Variants in OLA1 observed in about 807,000 individuals in gnomAD.
OLA1 encodes Obg like ATPase 1.
In OLA1, 14 loss-of-function variants were observed where a neutral mutation model predicts 48.4. That is an observed-to-expected ratio of 0.29 (90% CI 0.19 to 0.45). OLA1 has a LOEUF of 0.45. OLA1 is among the 20% of genes least tolerant of loss of function. The pLI is 1.00. For synonymous variants in OLA1, 127 were observed against 150.4 expected (o/e 0.84, Z 1.14); for missense variants, 325 against 467.1 (o/e 0.70, Z 2.80).
chr2:174,225,242 C>G (rs1409922402), intron 3 of OLA1, among the ~76,000 whole-genome samples: 1 of 152,174 alleles, frequency 6.6e-6, no homozygotes, highest in Non-Finnish European at 1.5e-5. Context: ...CCCTTTTCAT[C>G]TTCTGGCCAT....
intron 5 of OLA1, among the ~76,000 whole-genome samples, chr2:174,138,065 G>A (rs1686353264): frequency 6.6e-6 from 1 of 152,150 alleles, no homozygotes; most frequent in African/African-American, 2.4e-5. Flanking sequence ...CTTCTCATTC[G>A]TGTGTTCTCT....
chr2:174,081,735 T>A (rs1386134439), intron 8 of OLA1, among the ~76,000 whole-genome samples, 189 bp downstream of exon 8: 3 of 152,120 alleles, frequency 2.0e-5, no homozygotes, highest in African/African-American at 7.2e-5. Flanking sequence ...TGTACGGAGA[T>A]GACAGATGAC....
intron 2 of OLA1, among the ~76,000 whole-genome samples, chr2:174,229,957 A>G (rs1214434142): frequency 2.0e-5 from 3 of 152,222 alleles, no homozygotes; most frequent in Admixed American, 6.5e-5. Context: ...AATCATTAGT[A>G]TGTAAGGATT....
intron 7 of OLA1, among the ~76,000 whole-genome samples, chr2:174,107,108 C>CAA (rs1685530138): frequency 6.6e-6 from 1 of 152,084 alleles, no homozygotes; most frequent in African/African-American, 2.4e-5. Context: ...CTCTGATAAG[C>CAA]TCCTTGTTGG....
rs1686336541 is a variant in OLA1, at chr2:174,137,456, T to TA, written c.549+4368dup. On this transcript the variant is annotated intron_variant, in intron 5 of 10. Coordinates refer to ENST00000284719, the MANE Select transcript of OLA1 (RefSeq NM_013341.5). Reference sequence around the variant, plus strand: ...TTCAACTTAAAGTCACCAACCGCATTAGCCCTTAACAAGGGAGTCAGCATA... The same window carrying TA: ...TTCAACTTAAAGTCACCAACCGCATTAAGCCCTTAACAAGGGAGTCAGCATA... Among the ~76,000 whole-genome samples the TA allele has an allele frequency of 2.6e-5, 4 of 152,350 alleles. No homozygotes were observed. In the South Asian group the frequency reaches 8.3e-4, roughly 32 times the overall value.
chr2:174,229,761 C>T lies in OLA1; in HGVS notation c.102-310G>A, dbSNP rs187312322. On this transcript the variant is annotated intron_variant, in intron 2 of 10. Coordinates refer to ENST00000284719, the MANE Select transcript of OLA1 (RefSeq NM_013341.5). ...TCATACTACAAAATCTATTTTTTTT[C>T]CATAATATACCTGATCGTACCAGCA... is the stretch of plus-strand genomic sequence containing the variant. 4.2e-3 allele frequency among the ~76,000 whole-genome samples: 645 copies of T among 152,060 alleles called. 13 individuals carry two copies. The highest frequency in any genetic ancestry group is 9.4e-4 in the Non-Finnish European group (64 of 67,968).
At chr2:174,119,824 T>TTG (rs1319211208) in intron 7 of OLA1, among the ~76,000 whole-genome samples, 2 of 152,136 alleles carry the variant, frequency 1.3e-5, no homozygotes, top group Non-Finnish European at 2.9e-5. Context: ...TTCCAAGTAT[T>TTG]TGTCTACCTA....
intron 5 of OLA1, among the ~76,000 whole-genome samples, chr2:174,136,431 T>C (rs1250434650): frequency 6.6e-6 from 1 of 152,238 alleles, no homozygotes; most frequent in Admixed American, 6.5e-5. Flanking sequence ...ACCACTTTCT[T>C]TGCTCACCCA....
intron 4 of OLA1, among the ~76,000 whole-genome samples, chr2:174,203,927 T>C (rs1190731189): frequency 6.6e-6 from 1 of 151,494 alleles, no homozygotes; most frequent in Non-Finnish European, 1.5e-5. Flanking sequence ...CCCGAGTAAC[T>C]GGGATTACAG....
intron 4 of OLA1, among the ~76,000 whole-genome samples, chr2:174,208,018 A>C (rs1176919387): frequency 1.3e-5 from 2 of 152,222 alleles, no homozygotes; most frequent in Admixed American, 6.5e-5. Flanking sequence ...TCTATGTTAC[A>C]AAATTTGCAC....
intron 4 of OLA1, among the ~76,000 whole-genome samples, chr2:174,221,219 C>T (rs977993473): frequency 6.6e-6 from 1 of 152,096 alleles, no homozygotes; most frequent in Non-Finnish European, 1.5e-5. Flanking sequence ...GTATCTTTAG[C>T]CTGACTTAAA....
intron 5 of OLA1, 34 bp downstream of exon 5, chr2:174,141,789 CTT>C (rs778312232): frequency 3.4e-6 from 5 of 1,484,166 alleles, no homozygotes; most frequent in Non-Finnish European, 4.6e-6. Context: ...AAAATAAACT[CTT>C]GAGTATCTAA....
intron 7 of OLA1, among the ~76,000 whole-genome samples, chr2:174,094,359 C>G (rs1384301415): frequency 6.6e-6 from 1 of 152,218 alleles, no homozygotes; most frequent in Non-Finnish European, 1.5e-5. Context: ...CAACGTTCCT[C>G]AAACAGATCT....
intron 7 of OLA1, among the ~76,000 whole-genome samples, chr2:174,086,776 C>T (rs1164754730): frequency 4.6e-5 from 7 of 152,080 alleles, no homozygotes; most frequent in African/African-American, 9.7e-5. Flanking sequence ...CTACTCAGAG[C>T]GGTGTGTAAT....
intron 7 of OLA1, among the ~76,000 whole-genome samples, chr2:174,084,642 T>A (rs1262812259): frequency 6.6e-6 from 1 of 152,200 alleles, no homozygotes; most frequent in Admixed American, 6.5e-5. Context: ...CTGAACCCCA[T>A]GGGGACCAGT....
chr2:174,242,158 G>A (rs746953988), intron 2 of OLA1, among the ~76,000 whole-genome samples: 2 of 152,168 alleles, frequency 1.3e-5, no homozygotes, highest in African/African-American at 4.8e-5. Flanking sequence ...ACCAGCAGCC[G>A]CCAACCTTTT....
chr2:174,129,585 A>G (rs937347352), intron 5 of OLA1, among the ~76,000 whole-genome samples: 17 of 151,794 alleles, frequency 1.1e-4, no homozygotes, highest in African/African-American at 2.7e-4. Flanking sequence ...TACTCAAATA[A>G]TGAAACTGGT....
At chr2:174,241,714 C>G (rs1041514591) in intron 2 of OLA1, among the ~76,000 whole-genome samples, 4 of 152,242 alleles carry the variant, frequency 2.6e-5, no homozygotes, top group Non-Finnish European at 5.9e-5. Context: ...TGGTTCACTG[C>G]AACCTCTGCC....
chr2:174,092,363 A>C (rs1297939569), intron 7 of OLA1, among the ~76,000 whole-genome samples: 2 of 152,146 alleles, frequency 1.3e-5, no homozygotes, highest in Admixed American at 6.5e-5. Flanking sequence ...AAGACTAGGT[A>C]AAAGAACATT....
Sources: gnomAD v4.1 joint callset for allele counts (sites outside exome capture counted in the v4.1 genomes callset) on GRCh38, gnomAD v4.1.1 for gene constraint, MANE v1.5 for transcripts, NCBI Gene and HGNC (gene_info 2026-07-23, HGNC 2026-07-21) for gene names.